LRP1B: variants seen among roughly 807,000 people sequenced by gnomAD.
LRP1B encodes low-density lipoprotein receptor-related protein 1B.
In LRP1B, 217 loss-of-function variants were observed where a neutral mutation model predicts 556.6. The observed-to-expected ratio is 0.39, with a 90% CI of 0.35 to 0.44. The LOEUF is 0.44. Among genes scored for constraint, LRP1B ranks in the 20% least tolerant of loss-of-function variants. The pLI is 1.00. For synonymous variants in LRP1B, 2,047 were observed against 1,865.8 expected (o/e 1.10, Z -2.50); for missense variants, 5,053 against 5,620.8 (o/e 0.90, Z 3.23).
chr2:140,951,587 C>T (rs2105302180), intron 19 of LRP1B, among the ~76,000 whole-genome samples: 1 of 152,254 alleles, frequency 6.6e-6, no homozygotes, highest in South Asian at 2.1e-4. Flanking sequence ...CTCAATTGTC[C>T]ACTTTACTAC....
chr2:141,637,963 G>A (rs564526816), intron 2 of LRP1B, among the ~76,000 whole-genome samples: 26 of 152,284 alleles, frequency 1.7e-4, no homozygotes, highest in African/African-American at 6.0e-4. Context: ...CTCTTTAAAA[G>A]GCAGGGGCAG....
chr2:140,831,085 T>C (rs989857486), intron 31 of LRP1B, among the ~76,000 whole-genome samples: 2 of 152,144 alleles, frequency 1.3e-5, no homozygotes, highest in African/African-American at 2.4e-5. Context: ...AGATATTCCA[T>C]GCTCATGGAG....
At chr2:141,123,459 TTTAG>T (rs1226098532) in intron 7 of LRP1B, among the ~76,000 whole-genome samples, 2 of 151,930 alleles carry the variant, frequency 1.3e-5, no homozygotes, top group Non-Finnish European at 2.9e-5. Flanking sequence ...TCTGGTTAAT[TTTAG>T]TTAGATAATT....
intron 3 of LRP1B, among the ~76,000 whole-genome samples, chr2:141,291,930 T>G (rs112145106): frequency 7.3e-6 from 1 of 137,248 alleles, no homozygotes; most frequent in Non-Finnish European, 1.6e-5. Context: ...TGTAAAAAGA[T>G]CCCTTTATTC....
intron 2 of LRP1B, among the ~76,000 whole-genome samples, chr2:141,543,711 C>A (rs1335935333): frequency 6.8e-6 from 1 of 148,088 alleles, no homozygotes; most frequent in African/African-American, 2.5e-5. Context: ...GGTGAAAGAG[C>A]AAGATCCTGT....
chr2:141,468,661 A>T (rs556736615), intron 3 of LRP1B, among the ~76,000 whole-genome samples: 1 of 152,298 alleles, frequency 6.6e-6, no homozygotes, highest in East Asian at 1.9e-4. Context: ...CCTAACTAAA[A>T]ATCAGACAAT....
intron 2 of LRP1B, among the ~76,000 whole-genome samples, chr2:141,496,656 T>C (rs1362824955): frequency 6.6e-6 from 1 of 152,080 alleles, no homozygotes; most frequent in South Asian, 2.1e-4. Flanking sequence ...TGTCACAGAT[T>C]CTTATGAATG....
In LRP1B at chr2:140,501,786, G is replaced by A. The variant is rs148504930; in HGVS notation, c.8751C>T (p.Gly2917=). The part of the protein sequence containing the change: ...GGLCDNKDDC[G]DGSDERNCHI... Reference sequence around the variant, plus strand: ...GGCAGTTTCTCTCATCTGAACCATCGCCACAGTCATCCTTATTGTCGCAAA... The same window carrying A: ...GGCAGTTTCTCTCATCTGAACCATCACCACAGTCATCCTTATTGTCGCAAA... Residue 2917 remains glycine (G), a synonymous_variant, in exon 55 of 91, where the codon GGC becomes GGT. Coordinates refer to ENST00000389484, the MANE Select transcript of LRP1B (RefSeq NM_018557.3). 93 of 1,612,436 alleles carry A rather than the reference G, an allele frequency of 5.8e-5. No individual in the cohort carries two copies. The highest frequency in any genetic ancestry group is 1.7e-4 in the Admixed American group (10 of 59,876).
chr2:141,504,448 C>A (rs1373625672), intron 2 of LRP1B, among the ~76,000 whole-genome samples: 1 of 152,054 alleles, frequency 6.6e-6, no homozygotes, highest in Non-Finnish European at 1.5e-5. Flanking sequence ...TGCCCATATG[C>A]TAATTGATGA....
In LRP1B at chr2:141,339,107, A is replaced by C. The variant is rs1305221579; in HGVS notation, c.344-84466T>G. Reference sequence around the variant, plus strand: ...CAGGAATCATGCTACTTTCCAGAATATTTTCCCTGAACTCCAGGCTAAGAC... The same window carrying C: ...CAGGAATCATGCTACTTTCCAGAATCTTTTCCCTGAACTCCAGGCTAAGAC... On this transcript the variant is annotated intron_variant, in intron 3 of 90. Transcript: ENST00000389484. 2.0e-5 allele frequency among the ~76,000 whole-genome samples: 3 copies of C among 151,178 alleles called. No individual in the cohort carries two copies. In the South Asian group the frequency reaches 6.3e-4, roughly 32 times the overall value.
chr2:141,784,675 T>C (rs1309791080), intron 2 of LRP1B, among the ~76,000 whole-genome samples: 1 of 151,902 alleles, frequency 6.6e-6, no homozygotes, highest in Non-Finnish European at 1.5e-5. Context: ...TTGTCACCCC[T>C]TTCCCTTCCT....
chr2:140,679,893 T>C (rs1685801266), intron 41 of LRP1B, among the ~76,000 whole-genome samples: 2 of 152,110 alleles, frequency 1.3e-5, no homozygotes, highest in African/African-American at 4.8e-5. Flanking sequence ...AAACTTTTTA[T>C]GAGGTTTGTT....
intron 43 of LRP1B, among the ~76,000 whole-genome samples, chr2:140,575,167 A>G (rs1363405493): frequency 6.6e-6 from 1 of 152,158 alleles, no homozygotes; most frequent in Admixed American, 6.5e-5. Flanking sequence ...AGATATGAGG[A>G]GTTGAGTATG....
At chr2:141,337,480 A>G (rs896240171) in intron 3 of LRP1B, among the ~76,000 whole-genome samples, 1 of 106,218 alleles carries the variant, frequency 9.4e-6, no homozygotes, top group African/African-American at 4.0e-5. Flanking sequence ...GGGATTTGCA[A>G]TATTTTGTCT....
intron 34 of LRP1B, among the ~76,000 whole-genome samples, chr2:140,770,463 G>C (rs1232959245): frequency 1.3e-5 from 2 of 152,016 alleles, no homozygotes; most frequent in South Asian, 2.1e-4. Context: ...TTCTCCCTCA[G>C]TTATGCAAAC....
chr2:141,425,728 G>A (rs1257771762), intron 3 of LRP1B, among the ~76,000 whole-genome samples: 1 of 152,022 alleles, frequency 6.6e-6, no homozygotes, highest in Non-Finnish European at 1.5e-5. Context: ...CTTTTGAGAA[G>A]TGTCTGTTCA....
chr2:141,610,323 A>ATTATTATTATATTTTAAAACTTAAAGT (rs143503631), intron 2 of LRP1B, among the ~76,000 whole-genome samples: 10 of 122,708 alleles, frequency 8.1e-5, no homozygotes, highest in African/African-American at 3.6e-4. Context: ...CTTAAAGTAT[A>ATTATTATTATATTTTAAAACTTAAAGT]ATAATAATAA....
intron 2 of LRP1B, among the ~76,000 whole-genome samples, chr2:141,630,843 G>T (rs1362818930): frequency 9.2e-5 from 14 of 152,076 alleles, no homozygotes; most frequent in Non-Finnish European, 1.5e-5. Flanking sequence ...ATCCTTTTGG[G>T]ATGCTCTTGA....
intron 3 of LRP1B, among the ~76,000 whole-genome samples, chr2:141,380,751 G>A (rs1456813727): frequency 6.6e-6 from 1 of 152,178 alleles, no homozygotes; most frequent in Non-Finnish European, 1.5e-5. Flanking sequence ...GACCACACAT[G>A]TAGCACCTCA....
Sources: gnomAD v4.1 joint callset for allele counts (sites outside exome capture counted in the v4.1 genomes callset) on GRCh38, gnomAD v4.1.1 for gene constraint, MANE v1.5 for transcripts, NCBI Gene and HGNC (gene_info 2026-07-23, HGNC 2026-07-21) for gene names.